CCDC146: variants seen among roughly 807,000 people sequenced by gnomAD.
The protein encoded by CCDC146 is coiled-coil domain containing 146.
CCDC146 carries 92 observed loss-of-function variants against 119.3 expected under a neutral mutation model. The ratio of observed to expected loss-of-function variants is 0.77; its 90% CI spans 0.65 to 0.92. The LOEUF is 0.92. Ranked by LOEUF, CCDC146 falls within the 40% of genes least tolerant of loss-of-function variation. The pLI is 0.00. For synonymous variants in CCDC146, 372 were observed against 371.8 expected (o/e 1.00, Z -0.01); for missense variants, 1,000 against 1,103.0 (o/e 0.91, Z 1.32).
Position 77,275,042 on chromosome 7 carries a change from AT to A in CCDC146, c.1440+392del, listed in dbSNP as rs528241480. Reference sequence around the variant, plus strand: ...TAAAGTATAATAAAAATATATAAATATTAAAAAAAGAACTGGAAGGAAACTC... The same window carrying A: ...TAAAGTATAATAAAAATATATAAATATAAAAAAAGAACTGGAAGGAAACTC... On this transcript the variant is annotated intron_variant, in intron 11 of 18. Coordinates refer to ENST00000285871, the MANE Select transcript of CCDC146 (RefSeq NM_020879.3). Among the ~76,000 whole-genome samples, 3 of 144,608 alleles carry A rather than the reference AT, an allele frequency of 2.1e-5. No individual in the cohort carries two copies. In the South Asian group the frequency reaches 6.7e-4, roughly 33 times the overall value. 94.9% of individuals were successfully genotyped at this position (144,608 alleles called of 152,430 possible). A position where few individuals can be genotyped will look rare whatever the true frequency, so the allele number is the denominator to read the frequency against.
At chr7:77,229,284 G>C (rs566360919) in intron 2 of CCDC146, among the ~76,000 whole-genome samples, 1 of 152,122 alleles carries the variant, frequency 6.6e-6, no homozygotes, top group African/African-American at 2.4e-5. Context: ...TTAATCTGTT[G>C]ATAGTTTCTT....
At chr7:77,260,996 T>G (rs1490231689) in intron 8 of CCDC146, among the ~76,000 whole-genome samples, 1 of 152,036 alleles carries the variant, frequency 6.6e-6, no homozygotes, top group Non-Finnish European at 1.5e-5. Context: ...TGTTATTTTT[T>G]TGGGGGGTGG....
intron 1 of CCDC146, among the ~76,000 whole-genome samples, chr7:77,150,706 A>G (rs1791097503): frequency 6.6e-6 from 1 of 152,194 alleles, no homozygotes; most frequent in African/African-American, 2.4e-5. Flanking sequence ...CACTCTTGGT[A>G]TTACCCAAGA....
At chr7:77,211,629 A>G (rs1291879989) in intron 2 of CCDC146, among the ~76,000 whole-genome samples, 1 of 151,342 alleles carries the variant, frequency 6.6e-6, no homozygotes. Flanking sequence ...TTATTTATTT[A>G]TTTTGAGACA....
chr7:77,266,070 GA>G (rs959161897), intron 9 of CCDC146, among the ~76,000 whole-genome samples: 22 of 152,244 alleles, frequency 1.4e-4, no homozygotes, highest in African/African-American at 5.3e-4. Context: ...ACGTGGCACT[GA>G]AAAGAAAGAA....
chr7:77,259,229 A>G (rs1793241523), intron 7 of CCDC146, 161 bp downstream of exon 7: 1 of 513,486 alleles, frequency 1.9e-6, no homozygotes, highest in South Asian at 3.2e-5. Context: ...TCTTTAAAAG[A>G]AAGTAATGCA....
rs569942922 is a variant in CCDC146, at chr7:77,283,146, A to G, written c.2148+361A>G. On this transcript the variant is annotated intron_variant, in intron 15 of 18. Transcript: ENST00000285871. ...GCTTGCTGGACAGATCTTGAGGATGAGCCAGCACTCTTACTTTTGATACTC... is the reference window on the plus strand; with the variant it reads ...GCTTGCTGGACAGATCTTGAGGATGGGCCAGCACTCTTACTTTTGATACTC... Among the ~76,000 whole-genome samples, 7 of 152,272 alleles carry G rather than the reference A, an allele frequency of 4.6e-5. No homozygotes were observed. The East Asian group carries it at 1.4e-3, about 29-fold the overall frequency.
intron 14 of CCDC146, among the ~76,000 whole-genome samples, chr7:77,280,944 A>G (rs1187321490): frequency 6.6e-6 from 1 of 152,084 alleles, no homozygotes; most frequent in African/African-American, 2.4e-5. Flanking sequence ...CCTACTAAAA[A>G]TACAAGAAAT....
At chr7:77,238,066 G>T (rs1792772323) in intron 3 of CCDC146, among the ~76,000 whole-genome samples, 1 of 152,104 alleles carries the variant, frequency 6.6e-6, no homozygotes, top group African/African-American at 2.4e-5. Flanking sequence ...AGGGAAGAGT[G>T]AACAACTTGG....
intron 4 of CCDC146, among the ~76,000 whole-genome samples, chr7:77,253,793 T>C (rs3114317): frequency 0.74 from 112,044 of 152,144 alleles, 43,001 homozygotes; most frequent in Non-Finnish European, 0.87. Flanking sequence ...TATGAGAAGA[T>C]GATATCGGTA....
intron 2 of CCDC146, among the ~76,000 whole-genome samples, chr7:77,192,693 G>A (rs1791790540): frequency 6.6e-6 from 1 of 152,144 alleles, no homozygotes; most frequent in African/African-American, 2.4e-5. Flanking sequence ...GCGAGGCCTA[G>A]GCGGGTGGAT....
At chr7:77,166,716 A>G (rs1791342078) in intron 1 of CCDC146, among the ~76,000 whole-genome samples, 1 of 152,118 alleles carries the variant, frequency 6.6e-6, no homozygotes, top group South Asian at 2.1e-4. Flanking sequence ...AAATTTTTTT[A>G]AAGGGAAAAC....
rs755164745 is a variant in CCDC146 at position 77,280,416 on chromosome 7, A to G, written c.1695-13A>G. ...AAATTATAATCTTACCCATTGTCTT[A>G]TTACTTTAAAAGAAAGCTACAAAAT... On this transcript the variant is annotated splice_polypyrimidine_tract_variant and intron_variant, in intron 13 of 18. Coordinates refer to ENST00000285871, the MANE Select transcript of CCDC146 (RefSeq NM_020879.3). The G allele has an allele frequency of 3.8e-6, 6 of 1,588,096 alleles. No homozygotes were observed. In the African/African-American group the frequency reaches 8.2e-5, roughly 22 times the overall value.
chr7:77,198,756 T>A (rs888339450), intron 2 of CCDC146: 4 of 191,888 alleles, frequency 2.1e-5, no homozygotes, highest in Non-Finnish European at 3.2e-5. Flanking sequence ...CAAAGACCTC[T>A]TTAGCCATGA....
intron 1 of CCDC146, among the ~76,000 whole-genome samples, chr7:77,140,983 A>G (rs1018338098): frequency 2.6e-5 from 4 of 151,992 alleles, no homozygotes; most frequent in African/African-American, 9.7e-5. Flanking sequence ...GGTTTGTTAC[A>G]TAACTATACA....
In CCDC146 at chr7:77,242,703, A is replaced by C. The variant is rs371902636; in HGVS notation, c.449+803A>C. Among the ~76,000 whole-genome samples the C allele has an allele frequency of 2.1e-4, 32 of 152,260 alleles. No homozygotes were observed. The East Asian group carries it at 6.0e-3, about 28-fold the overall frequency. Reference sequence around the variant, plus strand: ...GAGAAAGCAAAACCGTTTCTCCTAGAGTTTGTTACCATTTAAGGTGGCAGA... The same window carrying C: ...GAGAAAGCAAAACCGTTTCTCCTAGCGTTTGTTACCATTTAAGGTGGCAGA... On this transcript the variant is annotated intron_variant, in intron 4 of 18. Coordinates refer to ENST00000285871, the MANE Select transcript of CCDC146 (RefSeq NM_020879.3).
intron 2 of CCDC146, among the ~76,000 whole-genome samples, chr7:77,218,056 C>A (rs1816548478): frequency 6.6e-6 from 1 of 152,058 alleles, no homozygotes; most frequent in Admixed American, 6.6e-5. Flanking sequence ...ACCAACATCG[C>A]TACAACCACA....
chr7:77,250,922 C>T (rs1341819415), intron 4 of CCDC146, among the ~76,000 whole-genome samples: 1 of 142,024 alleles, frequency 7.0e-6, no homozygotes, highest in Admixed American at 7.3e-5. Context: ...TGTTAGTAAG[C>T]CTATTAGAGG....
intron 1 of CCDC146, among the ~76,000 whole-genome samples, chr7:77,141,471 C>G (rs1562813467): frequency 6.6e-6 from 1 of 152,162 alleles, no homozygotes; most frequent in Non-Finnish European, 1.5e-5. Flanking sequence ...ATTTCTGGTT[C>G]TTGATCCTTG....
Sources: allele counts gnomAD v4.1 joint callset (sites outside exome capture counted in the v4.1 genomes callset), GRCh38; gene constraint gnomAD v4.1.1; transcripts MANE v1.5; gene names NCBI Gene and HGNC (gene_info 2026-07-23, HGNC 2026-07-21).